The following SLC18A2 variants were observed in gnomAD, a reference collection of about 807,000 sequenced individuals.
SLC18A2 encodes the protein synaptic vesicular amine transporter.
SLC18A2 carries 33 observed loss-of-function variants against 59.2 expected under a neutral mutation model. The observed-to-expected ratio is 0.56, with a 90% confidence interval of 0.42 to 0.75. The LOEUF (loss-of-function observed/expected upper bound fraction) is 0.75, where lower values mean the gene tolerates loss of function less well. Among genes scored for constraint, SLC18A2 ranks in the 30% least tolerant of loss-of-function variants. SLC18A2 has a pLI of 0.00. For synonymous variants in SLC18A2, 228 were observed against 253.5 expected (o/e 0.90, Z 0.95); for missense variants, 569 against 668.6 (o/e 0.85, Z 1.64).
chr10:117,267,977 CTG>C (rs771637188), intron 13 of SLC18A2: 19 of 413,106 alleles, frequency 4.6e-5, no homozygotes, highest in African/African-American at 2.1e-4. Flanking sequence ...CAGAAGGAAA[CTG>C]ATGCTCCACT....
In SLC18A2 at chr10:117,248,612, A is replaced by G. The variant is rs940830597; in HGVS notation, c.464+4299A>G. Among the ~76,000 whole-genome samples the G allele has an allele frequency of 3.9e-5, 6 of 152,224 alleles. No homozygotes were observed. The East Asian group carries it at 9.6e-4, about 24-fold the overall frequency. On this transcript the variant is annotated intron_variant, in intron 3 of 15. Transcript: ENST00000644641. ...GTGTGCAGGTGGTACCAGAAATTAT[A>G]CTAGTGATACTTGGTCATCATTTGG...
rs1015517050 is a variant in SLC18A2 at position 117,278,415 on chromosome 10, G to C, written c.*1149G>C. The C allele has an allele frequency of 2.0e-5, 3 of 152,210 alleles. No individual in the cohort carries two copies. Among genetic ancestry groups the C allele is most frequent in the Non-Finnish European group, 2.9e-5 (2 of 68,028 alleles). The allele number at this position is 152,210 out of a possible 1,614,324, so 9.4% of individuals were successfully genotyped here. A position where few individuals can be genotyped will look rare whatever the true frequency, so the allele number is the denominator to read the frequency against. On this transcript the variant is annotated 3_prime_UTR_variant, in exon 16 of 16. Coordinates refer to ENST00000644641, the MANE Select transcript of SLC18A2 (RefSeq NM_003054.6). ...AAATGGAACATCTAAAAATGTATGT[G>C]CTAACTATATCATCCAGTGTGCAGT...
intron 3 of SLC18A2, among the ~76,000 whole-genome samples, chr10:117,245,136 C>A (rs985178258): frequency 5.3e-5 from 8 of 152,178 alleles, no homozygotes; most frequent in African/African-American, 1.9e-4. Context: ...GGAGGCAGGC[C>A]CCCAAGGTGT....
At chr10:117,255,436 G>T (rs1192193305) in intron 7 of SLC18A2, 43 bp from the exon 8 acceptor site, 3 of 1,614,072 alleles carry the variant, frequency 1.9e-6, no homozygotes, top group Middle Eastern at 1.6e-4. Flanking sequence ...GGCCACACCT[G>T]CTTTCTGAAG....
At position 117,241,740 on chromosome 10, in the gene SLC18A2, G is replaced by A. The variant is rs925216254; in HGVS notation, c.47G>A (p.Arg16His). 1 of 1,609,412 alleles carries A rather than the reference G, an allele frequency of 6.2e-7. No individual in the cohort carries two copies. The highest frequency in any genetic ancestry group is 8.5e-7 in the Non-Finnish European group (1 of 1,178,642). Reference protein sequence around the residue: ...LALVRWLQESRRSRKLILFIV... With the variant: ...LALVRWLQESHRSRKLILFIV... ...CTGGTCCGCTGGCTGCAGGAGAGCC[G>A]CCGCTCGCGGAAGCTCATCCTGTTC... Residue 16 changes from arginine to histidine, a missense_variant, in exon 2 of 16, where the codon CGC (arginine) becomes CAC (histidine). Physicochemically the swap from Arg to His is conservative, Grantham distance 29. Coordinates refer to ENST00000644641, the MANE Select transcript of SLC18A2 (RefSeq NM_003054.6).
Position 117,244,097 on chromosome 10 carries a change from A to G in SLC18A2, c.248A>G (p.Asp83Gly). ...DSFQSIFSYY[D>G]NSTMVTGNAT... ...TTCCAGAGCATCTTCTCCTATTATG[A>G]TAACTCGACTATGGTCACCGGGAAT... Residue 83 changes from aspartate to glycine, a missense_variant, in exon 3 of 16, where the codon GAT (aspartate) becomes GGT (glycine). Asp to Gly is a moderately conservative substitution (Grantham distance 94, BLOSUM62 -1). This residue lies in a region of SLC18A2 where 377 missense variants were observed against 389.8 expected (regional missense o/e 0.97). Transcript: ENST00000644641. 1 of 1,614,194 alleles carries G rather than the reference A, an allele frequency of 6.2e-7. No individual in the cohort carries two copies. Among genetic ancestry groups the G allele is most frequent in the Non-Finnish European group, 8.5e-7 (1 of 1,180,034 alleles).
chr10:117,246,062 G>A (rs189345250), intron 3 of SLC18A2, among the ~76,000 whole-genome samples: 159 of 152,348 alleles, frequency 1.0e-3, no homozygotes, highest in Non-Finnish European at 3.7e-4. Flanking sequence ...ACCGACCTCA[G>A]TAGTTGCAGG....
chr10:117,277,769 TC>T lies in SLC18A2; in HGVS notation c.*504del, dbSNP rs1844520456. On this transcript the variant is annotated 3_prime_UTR_variant, in exon 16 of 16. Transcript: ENST00000644641. ...AATGTTATTTAACTTGTAGTTACTATCAATATATTTATGCGTTAAACAGCTA... is the reference window on the plus strand; with the variant it reads ...AATGTTATTTAACTTGTAGTTACTATAATATATTTATGCGTTAAACAGCTA... The T allele has an allele frequency of 6.6e-6, 1 of 152,288 alleles. No individual in the cohort carries two copies. Among genetic ancestry groups the T allele is most frequent in the Non-Finnish European group, 1.5e-5 (1 of 68,094 alleles). The allele number at this position is 152,288 out of a possible 1,614,324, so 9.4% of individuals were successfully genotyped here.
intron 3 of SLC18A2, among the ~76,000 whole-genome samples, chr10:117,251,407 C>G (rs1844160682): frequency 2.0e-5 from 3 of 152,184 alleles, no homozygotes; most frequent in African/African-American, 4.8e-5. Context: ...AGAGAATCAG[C>G]TCTGGGTGGG....
chr10:117,265,624 C>T (rs151323836), intron 10 of SLC18A2, among the ~76,000 whole-genome samples: 1 of 152,250 alleles, frequency 6.6e-6, no homozygotes, highest in Non-Finnish European at 1.5e-5. Flanking sequence ...GGACCAGACA[C>T]AGCTGATGTG....
At chr10:117,253,489 G>T in intron 4 of SLC18A2, 32 bp downstream of exon 4, 1 of 1,548,298 alleles carries the variant, frequency 6.5e-7, no homozygotes, top group Non-Finnish European at 8.9e-7. Flanking sequence ...TCTGAGTGTG[G>T]GTCTCATCAG....
chr10:117,268,474 T>C (rs1285879945), intron 13 of SLC18A2: 2 of 152,374 alleles, frequency 1.3e-5, no homozygotes, highest in Non-Finnish European at 2.9e-5. Flanking sequence ...TGCCTCCCCT[T>C]GTCCTCCACT....
At chr10:117,259,366 C>T (rs537315979) in intron 10 of SLC18A2, among the ~76,000 whole-genome samples, 5 of 152,304 alleles carry the variant, frequency 3.3e-5, no homozygotes, top group South Asian at 4.1e-4. Context: ...TGTATTTGCT[C>T]GTTTGTGGAT....
At chr10:117,266,089 C>CAA (rs35533634) in intron 10 of SLC18A2, among the ~76,000 whole-genome samples, 784 of 71,204 alleles carry the variant, frequency 0.011, 18 homozygotes, top group South Asian at 0.018. Context: ...GACTCCATCT[C>CAA]AAAAAAAAAA....
At chr10:117,249,855 C>T (rs1844143063) in intron 3 of SLC18A2, among the ~76,000 whole-genome samples, 1 of 152,118 alleles carries the variant, frequency 6.6e-6, no homozygotes, top group Admixed American at 6.5e-5. Context: ...TTAACTGCTT[C>T]GTGATGCTCT....
chr10:117,243,688 C>T (rs1412628615), intron 2 of SLC18A2, among the ~76,000 whole-genome samples: 1 of 152,156 alleles, frequency 6.6e-6, no homozygotes, highest in South Asian at 2.1e-4. Context: ...CAGGTTCAAG[C>T]GATCCTCCTT....
intron 15 of SLC18A2, among the ~76,000 whole-genome samples, chr10:117,274,292 T>C (rs1844460115): frequency 6.6e-6 from 1 of 152,174 alleles, no homozygotes; most frequent in South Asian, 2.1e-4. Flanking sequence ...CTAATAAATA[T>C]GTTTTTGGTG....
chr10:117,241,722 G>T lies in SLC18A2; in HGVS notation c.29G>T (p.Arg10Leu). ...GCCCTGAGCGAGCTGGCGCTGGTCC[G>T]CTGGCTGCAGGAGAGCCGCCGCTCG... MALSELALV[R>L]WLQESRRSRK... is the part of the protein sequence containing the mutation. The change falls in exon 2 of 16, where the codon CGC becomes CTC. Residue 10 changes from arginine to leucine, a missense_variant. Around this residue, in one of 2 missense-constraint regions of SLC18A2, gnomAD observed 377 missense variants for 389.8 expected, o/e 0.97. Coordinates refer to ENST00000644641, the MANE Select transcript of SLC18A2 (RefSeq NM_003054.6). 1 of 1,604,530 alleles carries T rather than the reference G, an allele frequency of 6.2e-7. No individual in the cohort carries two copies. Among genetic ancestry groups the T allele is most frequent in the Non-Finnish European group, 8.5e-7 (1 of 1,176,642 alleles).
chr10:117,270,611 TTTA>T, intron 15 of SLC18A2, 148 bp downstream of exon 15: 1 of 797,118 alleles, frequency 1.3e-6, no homozygotes, highest in South Asian at 2.0e-5. Flanking sequence ...AGTTACTTCT[TTTA>T]TTTTTTTATT....
Sources: allele counts gnomAD v4.1 joint callset (sites outside exome capture counted in the v4.1 genomes callset), GRCh38; gene constraint gnomAD v4.1.1; regional missense constraint gnomAD v4.1.1; transcripts MANE v1.5; gene names NCBI Gene and HGNC (gene_info 2026-07-23, HGNC 2026-07-21).